PRKAG2: variants seen among roughly 807,000 people sequenced by gnomAD.
PRKAG2 encodes the protein 5'-AMP-activated protein kinase subunit gamma-2.
PRKAG2 carries 26 observed loss-of-function variants against 69.6 expected under a neutral mutation model. The ratio of observed to expected loss-of-function variants is 0.37; its 90% CI spans 0.27 to 0.52. The LOEUF (loss-of-function observed/expected upper bound fraction) is 0.52, where lower values mean the gene tolerates loss of function less well. Among genes scored for constraint, PRKAG2 ranks in the 20% least tolerant of loss-of-function variants. PRKAG2 has a pLI of 0.90. For synonymous variants in PRKAG2, 293 were observed against 285.0 expected (o/e 1.03, Z -0.28); for missense variants, 557 against 740.0 (o/e 0.75, Z 2.87).
At chr7:151,634,256 G>A (rs1292940506) in intron 4 of PRKAG2, among the ~76,000 whole-genome samples, 1 of 152,074 alleles carries the variant, frequency 6.6e-6, no homozygotes, top group Non-Finnish European at 1.5e-5. Flanking sequence ...CAATAGAACT[G>A]GAGTAATTGG....
rs563472726 is a variant in PRKAG2, at chr7:151,589,033, G to A, written c.864+6312C>T. Among the ~76,000 whole-genome samples the A allele has an allele frequency of 3.9e-5, 6 of 152,196 alleles. No homozygotes were observed. In the South Asian group the frequency reaches 6.2e-4, roughly 16 times the overall value. On this transcript the variant is annotated intron_variant, in intron 6 of 15. Transcript: ENST00000287878. Reference sequence around the variant, plus strand: ...GCTGGGACTTTGCAGACCCTGTTTCGGTGTTGCCAACTGGCTCTATTTCAG... The same window carrying A: ...GCTGGGACTTTGCAGACCCTGTTTCAGTGTTGCCAACTGGCTCTATTTCAG...
chr7:151,824,567 G>A (rs974452656), intron 1 of PRKAG2, among the ~76,000 whole-genome samples: 1 of 152,102 alleles, frequency 6.6e-6, no homozygotes, highest in South Asian at 2.1e-4. Flanking sequence ...TTGGCTGTGT[G>A]CCTTGCATTT....
chr7:151,598,534 C>T (rs1222149908), intron 5 of PRKAG2, among the ~76,000 whole-genome samples: 4 of 151,760 alleles, frequency 2.6e-5, no homozygotes, highest in African/African-American at 4.8e-5. Context: ...TATACATGTA[C>T]TAAAACATCA....
intron 3 of PRKAG2, among the ~76,000 whole-genome samples, chr7:151,754,011 C>T (rs748875832): frequency 2.6e-5 from 4 of 152,012 alleles, no homozygotes; most frequent in Admixed American, 1.3e-4. Flanking sequence ...AGAGCAAGAC[C>T]GCATCTCGAA....
intron 1 of PRKAG2, among the ~76,000 whole-genome samples, chr7:151,855,271 C>T (rs878929465): frequency 1.8e-5 from 2 of 111,242 alleles, no homozygotes. Flanking sequence ...CACACACCAC[C>T]CTCCACACAC....
At chr7:151,637,163 G>A (rs1280481404) in intron 4 of PRKAG2, among the ~76,000 whole-genome samples, 2 of 152,104 alleles carry the variant, frequency 1.3e-5, no homozygotes, top group African/African-American at 4.8e-5. Flanking sequence ...GGGTGCACAG[G>A]ATCTCTCTGC....
At position 151,850,652 on chromosome 7, in the gene PRKAG2, G is replaced by A. The variant is rs1464606982; in HGVS notation, c.114+25855C>T. ...CCTTCCCGCCTGCCCCACCTCCATC[G>A]TCCTGTGTCCAGGAACATGGCCCTT... On this transcript the variant is annotated intron_variant, in intron 1 of 15. Transcript: ENST00000287878. The surrounding 1 kb of genome is among the most constrained non-coding windows in gnomAD (Gnocchi z 4.1). Among the ~76,000 whole-genome samples, 2 of 152,138 alleles carry A rather than the reference G, an allele frequency of 1.3e-5. No individual in the cohort carries two copies. The highest frequency in any genetic ancestry group is 6.5e-5 in the Admixed American group (1 of 15,284).
intron 5 of PRKAG2, among the ~76,000 whole-genome samples, chr7:151,604,870 T>G (rs1319085583): frequency 1.3e-5 from 2 of 152,114 alleles, no homozygotes; most frequent in South Asian, 4.1e-4. Context: ...ATGAGGCACT[T>G]TGGAGGATGC....
In PRKAG2 at chr7:151,594,544, C is replaced by A. The variant is rs79435338; in HGVS notation, c.864+801G>T. ...ATTCAAATTTTCTGGGAAAAGAGAT[C>A]GGTAAGGTTCTTCTTTCAAAAGATT... On this transcript the variant is annotated intron_variant, in intron 6 of 15. Coordinates refer to ENST00000287878, the MANE Select transcript of PRKAG2 (RefSeq NM_016203.4). Among the ~76,000 whole-genome samples, 97 of 152,236 alleles carry A rather than the reference C, an allele frequency of 6.4e-4. 1 individual carries two copies. In the East Asian group the frequency reaches 0.017, roughly 27 times the overall value.
chr7:151,559,119 G>T, intron 15 of PRKAG2: 1 of 985,452 alleles, frequency 1.0e-6, no homozygotes, highest in East Asian at 1.1e-4. Context: ...GTGCTGTGCA[G>T]TTATGCCTGC....
intron 3 of PRKAG2, among the ~76,000 whole-genome samples, chr7:151,706,838 C>G (rs1331890944): frequency 6.6e-6 from 1 of 152,214 alleles, no homozygotes; most frequent in East Asian, 1.9e-4. Context: ...ACGGTGGTTC[C>G]CCATGCATCT....
intron 6 of PRKAG2, among the ~76,000 whole-genome samples, chr7:151,577,165 A>G (rs943987383): frequency 6.2e-5 from 8 of 128,662 alleles, no homozygotes; most frequent in African/African-American, 1.7e-4. Flanking sequence ...AGTATTTTCA[A>G]TGAGAAAACA....
At chr7:151,820,569 G>A (rs1314104846) in intron 1 of PRKAG2, among the ~76,000 whole-genome samples, 1 of 111,050 alleles carries the variant, frequency 9.0e-6, no homozygotes, top group African/African-American at 3.4e-5. Context: ...GGCCCCTGTG[G>A]CTTCTGCAGG....
At position 151,590,918 on chromosome 7, in the gene PRKAG2, T is replaced by C. The variant is rs145611037; in HGVS notation, c.864+4427A>G. 4.6e-3 allele frequency among the ~76,000 whole-genome samples: 696 copies of C among 152,364 alleles called. 3 individuals carry two copies. Among genetic ancestry groups the C allele is most frequent in the African/African-American group, 0.016 (666 of 41,592 alleles). ...GCAGTGGCTCTAACCGCTCACTTGGTTGACTGCCTGAAGTGCAGGGCACTG... is the reference window on the plus strand; with the variant it reads ...GCAGTGGCTCTAACCGCTCACTTGGCTGACTGCCTGAAGTGCAGGGCACTG... On this transcript the variant is annotated intron_variant, in intron 6 of 15. Transcript: ENST00000287878.
intron 5 of PRKAG2, among the ~76,000 whole-genome samples, chr7:151,628,188 G>A (rs1307837664): frequency 6.6e-6 from 1 of 152,198 alleles, no homozygotes; most frequent in Non-Finnish European, 1.5e-5. Flanking sequence ...TAAAGAGGCT[G>A]CAGACTTCAT....
intron 1 of PRKAG2, among the ~76,000 whole-genome samples, chr7:151,821,665 G>GCTTA (rs1190347671): frequency 6.6e-6 from 1 of 152,098 alleles, no homozygotes; most frequent in South Asian, 2.1e-4. Flanking sequence ...TCCTCTCTAA[G>GCTTA]ACACATTGGA....
At position 151,814,608 on chromosome 7, in the gene PRKAG2, G is replaced by C; in HGVS notation, c.115-28067C>G. The C allele has an allele frequency of 8.1e-7, 1 of 1,231,762 alleles. No individual in the cohort carries two copies. The highest frequency in any genetic ancestry group is 1.0e-6 in the Non-Finnish European group (1 of 987,988). 76.3% of individuals were successfully genotyped at this position (1,231,762 alleles called of 1,614,324 possible). On this transcript the variant is annotated intron_variant, in intron 1 of 15. Coordinates refer to ENST00000287878, the MANE Select transcript of PRKAG2 (RefSeq NM_016203.4). The surrounding 1 kb of genome is among the most constrained non-coding windows in gnomAD (Gnocchi z 4.8). The stretch of plus-strand genomic sequence containing the variant: ...CCCCTTCAGCACAGGCAATTTCTAG[G>C]GTTCGGCTGTGCTCCGAGCTGCTGC...
Position 151,583,654 on chromosome 7 carries a change from C to T in PRKAG2, c.865-7202G>A, listed in dbSNP as rs1810999468. Among the ~76,000 whole-genome samples, 1 of 152,210 alleles carries T rather than the reference C, an allele frequency of 6.6e-6. No individual in the cohort carries two copies. Among genetic ancestry groups the T allele is most frequent in the South Asian group, 2.1e-4 (1 of 4,832 alleles). ...AGGATACAAAGAGGACTAACACAAT[C>T]TAGTTCTAATTTGCAGGAAGAAACC... On this transcript the variant is annotated intron_variant, in intron 6 of 15. Transcript: ENST00000287878. The surrounding 1 kb of genome is among the most constrained non-coding windows in gnomAD (Gnocchi z 4.1).
intron 1 of PRKAG2, among the ~76,000 whole-genome samples, chr7:151,859,484 C>T (rs74936192): frequency 0.05 from 7,571 of 152,290 alleles, 665 homozygotes; most frequent in East Asian, 0.39. Context: ...CACATCTCTC[C>T]GTGTTCACTG....
Sources: gnomAD v4.1 joint callset for allele counts (sites outside exome capture counted in the v4.1 genomes callset) on GRCh38, gnomAD v4.1.1 for gene constraint, Gnocchi (gnomAD v3.1) non-coding constraint, MANE v1.5 for transcripts, NCBI Gene and HGNC (gene_info 2026-07-23, HGNC 2026-07-21) for gene names.